Variants in EML1 observed in about 807,000 individuals in gnomAD.
EML1 encodes the protein echinoderm microtubule-associated protein-like 1.
A neutral mutation model predicts 110.4 loss-of-function variants in EML1; 27 were observed. The ratio of observed to expected loss-of-function variants is 0.24; its 90% confidence interval spans 0.18 to 0.34. The LOEUF (loss-of-function observed/expected upper bound fraction) is 0.34. Among genes scored for constraint, EML1 ranks in the 10% least tolerant of loss-of-function variants. The pLI, the probability that EML1 is intolerant of heterozygous loss-of-function variation, is 1.00. For missense variants in EML1, 741 were observed against 1,030.9 expected (o/e 0.72, Z 3.85); for synonymous variants, 344 against 385.8 (o/e 0.89, Z 1.27).
intron 17 of EML1, among the ~76,000 whole-genome samples, chr14:99,923,970 A>C (rs2060187049): frequency 6.6e-6 from 1 of 152,302 alleles, no homozygotes; most frequent in Middle Eastern, 3.4e-3. Context: ...TCAATTTCTA[A>C]CTTTGAAAAG....
chr14:99,812,083 C>T (rs1170733812), intron 1 of EML1, among the ~76,000 whole-genome samples: 1 of 151,892 alleles, frequency 6.6e-6, no homozygotes, highest in Admixed American at 6.6e-5. Context: ...CTCTACTCTC[C>T]TGTCTGACAT....
intron 2 of EML1, among the ~76,000 whole-genome samples, chr14:99,863,537 C>A (rs924368410): frequency 3.9e-5 from 6 of 152,212 alleles, no homozygotes; most frequent in African/African-American, 1.4e-4. Context: ...CAACCTCTGA[C>A]AGCCACAAAT....
At chr14:99,789,274 T>G (rs1486456726), upstream of EML1, among the ~76,000 whole-genome samples, 1 of 152,210 alleles carries the variant, frequency 6.6e-6, no homozygotes, top group Non-Finnish European at 1.5e-5. Flanking sequence ...AGTGGCACGA[T>G]CTCGGCTCAT....
At chr14:99,891,824 C>T (rs1013822568) in intron 5 of EML1, among the ~76,000 whole-genome samples, 13 of 152,112 alleles carry the variant, frequency 8.5e-5, no homozygotes, top group African/African-American at 2.9e-4. Context: ...TGATGAAATA[C>T]ATTCATTTAA....
At chr14:99,924,942 T>A (rs2060206871) in intron 17 of EML1, among the ~76,000 whole-genome samples, 1 of 152,246 alleles carries the variant, frequency 6.6e-6, no homozygotes, top group Non-Finnish European at 1.5e-5. Flanking sequence ...TTCCCCTTAA[T>A]CATGGTGTAT....
chr14:99,880,622 A>C (rs1304139907), intron 4 of EML1, among the ~76,000 whole-genome samples: 1 of 152,278 alleles, frequency 6.6e-6, no homozygotes, highest in Non-Finnish European at 1.5e-5. Flanking sequence ...CGACATGTCC[A>C]TTGTTCCTGC....
chr14:99,804,163 T>G (rs183269143), intron 1 of EML1, among the ~76,000 whole-genome samples: 4 of 152,224 alleles, frequency 2.6e-5, no homozygotes, highest in Admixed American at 2.6e-4. Flanking sequence ...GGCCTTTTAT[T>G]GAGTTGATAT....
At chr14:99,900,707 G>A (rs2059749526) in intron 8 of EML1, among the ~76,000 whole-genome samples, 1 of 152,104 alleles carries the variant, frequency 6.6e-6, no homozygotes, top group African/African-American at 2.4e-5. Flanking sequence ...TCTAAAACTT[G>A]GTAGACCTCT....
chr14:99,833,543 T>C (rs1348625230), intron 1 of EML1, among the ~76,000 whole-genome samples: 2 of 152,228 alleles, frequency 1.3e-5, no homozygotes, highest in African/African-American at 4.8e-5. Context: ...ATTGATTGCA[T>C]TGAATCTATA....
chr14:99,911,629 C>G, intron 13 of EML1, 53 bp downstream of exon 13: 2 of 1,565,662 alleles, frequency 1.3e-6, no homozygotes, highest in Non-Finnish European at 1.7e-6. Context: ...AACTGTTATC[C>G]TTTTTTTATT....
chr14:99,885,201 C>T (rs1287917594), intron 4 of EML1, among the ~76,000 whole-genome samples: 4 of 152,214 alleles, frequency 2.6e-5, no homozygotes. Flanking sequence ...CACTTAATGA[C>T]AGGCACATTC....
In EML1 at chr14:99,939,008, CTGAG is replaced by C. The variant is rs1238040286; in HGVS notation, c.2192-184_2192-181del. 6.6e-6 allele frequency among the ~76,000 whole-genome samples: 1 copy of C among 152,230 alleles called. No homozygotes were observed. Among genetic ancestry groups the C allele is most frequent in the Non-Finnish European group, 1.5e-5 (1 of 68,038 alleles). ...GCATCAGAGGGTCTCCGAGACTGGC[CTGAG>C]TGAGAGGAGACTGGGCGCACAGCGA... On this transcript the variant is annotated intron_variant, in intron 20 of 21. Coordinates refer to ENST00000262233, the MANE Select transcript of EML1 (RefSeq NM_004434.3). The surrounding 1 kb of genome is among the most constrained non-coding windows in gnomAD (Gnocchi z 4.2).
intron 1 of EML1, among the ~76,000 whole-genome samples, chr14:99,744,647 A>G (rs2057083864): frequency 6.6e-6 from 1 of 152,236 alleles, no homozygotes; most frequent in African/African-American, 2.4e-5. Flanking sequence ...AAATCATGTG[A>G]TTTCCAATAT....
At chr14:99,833,056 T>G (rs2058485805) in intron 1 of EML1, among the ~76,000 whole-genome samples, 1 of 152,244 alleles carries the variant, frequency 6.6e-6, no homozygotes, top group Non-Finnish European at 1.5e-5. Context: ...GGGGTTTTGC[T>G]GTCATATCTA....
intron 1 of EML1, among the ~76,000 whole-genome samples, chr14:99,766,898 G>A (rs547439040): frequency 2.9e-4 from 44 of 152,100 alleles, no homozygotes; most frequent in Non-Finnish European, 5.4e-4. Context: ...GCTGGCCACC[G>A]GGCTTCTATA....
chr14:99,834,439 C>G (rs1293952807), intron 1 of EML1, among the ~76,000 whole-genome samples: 1 of 151,936 alleles, frequency 6.6e-6, no homozygotes, highest in African/African-American at 2.4e-5. Flanking sequence ...GTAGCTGGGA[C>G]TACAGGTGCA....
Position 99,865,619 on chromosome 14 carries a change from A to G in EML1, c.356A>G (p.Lys119Arg), listed in dbSNP as rs199650308. Reference protein sequence around the residue: ...GSLPSPSGVRKETAVPATKSN... With the variant: ...GSLPSPSGVRRETAVPATKSN... ...CTACCATCCCCCTCCGGGGTCAGGA[A>G]AGAAACTGCTGTGCCAGCAACCAAA... The change falls in exon 3 of 22, where the codon AAA (lysine) becomes AGA (arginine). Residue 119 changes from lysine (K) to arginine (R), a missense_variant. Lys to Arg is a conservative substitution (Grantham distance 26). Around this residue, in one of 4 missense-constraint regions of EML1, gnomAD observed 226 missense variants for 255.6 expected, o/e 0.88. Transcript: ENST00000262233. The G allele has an allele frequency of 2.0e-4, 316 of 1,614,172 alleles. 1 individual carries two copies. Among genetic ancestry groups the G allele is most frequent in the Middle Eastern group, 9.9e-4 (6 of 6,058 alleles).
rs2057533773 is a variant in EML1, at chr14:99,781,002, A to G, written c.-27+6989A>G. Among the ~76,000 whole-genome samples the G allele has an allele frequency of 1.3e-5, 2 of 152,112 alleles. No homozygotes were observed. Among genetic ancestry groups the G allele is most frequent in the South Asian group, 2.1e-4 (1 of 4,828 alleles). ...CAATGGTTGAAGCCTCACATTTCCT[A>G]TGGCATTTCATCCACCTCATCCTTT... On this transcript the variant is annotated intron_variant, in intron 1 of 22. Transcript: ENST00000327921. This position sits in a 1 kb window ranked among gnomAD's most constrained non-coding sequence, Gnocchi z 4.2.
intron 2 of EML1, among the ~76,000 whole-genome samples, chr14:99,863,460 T>C (rs1721071392): frequency 6.6e-6 from 1 of 152,240 alleles, no homozygotes; most frequent in Non-Finnish European, 1.5e-5. Flanking sequence ...CCCATGATGG[T>C]ATCTTACAGA....
Sources: gnomAD v4.1 joint callset for allele counts (sites outside exome capture counted in the v4.1 genomes callset) on GRCh38, gnomAD v4.1.1 for gene constraint, gnomAD v4.1.1 regional missense constraint, Gnocchi (gnomAD v3.1) non-coding constraint, MANE v1.5 for transcripts, NCBI Gene and HGNC (gene_info 2026-07-23, HGNC 2026-07-21) for gene names.